ITGA7: variants seen among roughly 807,000 people sequenced by gnomAD.
ITGA7 encodes the protein integrin alpha-7.
A neutral mutation model predicts 131.6 loss-of-function variants in ITGA7; 84 were observed. The ratio of observed to expected loss-of-function variants is 0.64; its 90% CI spans 0.54 to 0.77. The LOEUF is 0.77. Among genes scored for constraint, ITGA7 ranks in the 30% least tolerant of loss-of-function variants. ITGA7 has a pLI of 0.00. For missense variants in ITGA7, 1,399 were observed against 1,482.9 expected (o/e 0.94, Z 0.93); for synonymous variants, 548 against 600.7 (o/e 0.91, Z 1.28).
In ITGA7 at chr12:55,685,028, C is replaced by G; in HGVS notation, c.*30G>C. 1 of 1,524,460 alleles carries G rather than the reference C, an allele frequency of 6.6e-7. No individual in the cohort carries two copies. Among genetic ancestry groups the G allele is most frequent in the African/African-American group, 1.4e-5 (1 of 73,504 alleles). 94.4% of individuals were successfully genotyped at this position (1,524,460 alleles called of 1,614,324 possible). ...CCATCTCTGGGGAAGGGATGGAGGG[C>G]AGCCACAGGCCAGGCTGGGACATGG... On this transcript the variant is annotated 3_prime_UTR_variant, in exon 25 of 25. Coordinates refer to ENST00000257879, the MANE Select transcript of ITGA7 (RefSeq NM_002206.3).
Position 55,703,191 on chromosome 12 carries a change from G to A in ITGA7, c.207-13C>T. On this transcript the variant is annotated splice_polypyrimidine_tract_variant and intron_variant, in intron 1 of 24. Coordinates refer to ENST00000257879, the MANE Select transcript of ITGA7 (RefSeq NM_002206.3). ...ACCCACCAGCAGCCTGCAAGATGGG[G>A]CAGGGGCAGGGACAGGGACAGGAGT... The A allele has an allele frequency of 1.9e-6, 3 of 1,606,694 alleles. No individual in the cohort carries two copies. Among genetic ancestry groups the A allele is most frequent in the South Asian group, 1.1e-5 (1 of 90,992 alleles).
rs753950289 is a variant in ITGA7 at position 55,703,187 on chromosome 12, TGGGGCA to T, written c.207-15_207-10del. On this transcript the variant is annotated splice_polypyrimidine_tract_variant and intron_variant, in intron 1 of 24. Coordinates refer to ENST00000257879, the MANE Select transcript of ITGA7 (RefSeq NM_002206.3). ...GAGCACCCACCAGCAGCCTGCAAGA[TGGGGCA>T]GGGGCAGGGACAGGGACAGGAGTTA... The T allele has an allele frequency of 1.6e-5, 26 of 1,607,880 alleles. No homozygotes were observed. Among genetic ancestry groups the T allele is most frequent in the Non-Finnish European group, 2.1e-5 (25 of 1,179,940 alleles).
At position 55,707,664 on chromosome 12, in the gene ITGA7, G is replaced by T; in HGVS notation, c.19C>A (p.Arg7Ser). Residue 7 changes from arginine to serine, a missense_variant, in exon 1 of 25, where the codon CGC becomes AGC. By Grantham distance (110) the Arg-to-Ser change is moderately radical. Coordinates refer to ENST00000257879, the MANE Select transcript of ITGA7 (RefSeq NM_002206.3). MAGARS[R>S]DPWGASGICY... is the part of the protein sequence containing the mutation. ...ATCCCGGAGGCCCCCCAAGGGTCGCGGCTCCGAGCCCCGGCCATGGGACGA... is the reference window on the plus strand; with the variant it reads ...ATCCCGGAGGCCCCCCAAGGGTCGCTGCTCCGAGCCCCGGCCATGGGACGA... 1 of 1,582,080 alleles carries T rather than the reference G, an allele frequency of 6.3e-7. No homozygotes were observed. Among genetic ancestry groups the T allele is most frequent in the Admixed American group, 1.8e-5 (1 of 54,992 alleles).
At chr12:55,700,690 C>A in intron 4 of ITGA7, 1 of 700,160 alleles carries the variant, frequency 1.4e-6, no homozygotes, top group East Asian at 2.7e-5. Context: ...CCCATGCCAG[C>A]ATGTTGAGGA....
chr12:55,711,185 C>T (rs1876077865), upstream of ITGA7, among the ~76,000 whole-genome samples: 1 of 152,168 alleles, frequency 6.6e-6, no homozygotes, highest in African/African-American at 2.4e-5. Context: ...TTCCTCTGAT[C>T]TATAATTATT....
At chr12:55,700,528 G>T in intron 4 of ITGA7, 1 of 1,038,048 alleles carries the variant, frequency 9.6e-7, no homozygotes, top group Non-Finnish European at 1.4e-6. Context: ...CCCCAACCCA[G>T]GCTTCCTGGG....
chr12:55,690,691 T>C (rs1871236716), intron 21 of ITGA7, among the ~76,000 whole-genome samples: 1 of 146,614 alleles, frequency 6.8e-6, no homozygotes. Context: ...ATTGCGGCAC[T>C]ATTCACAATA....
chr12:55,715,628 G>A (rs1463328772), upstream of ITGA7, among the ~76,000 whole-genome samples: 1 of 152,148 alleles, frequency 6.6e-6, no homozygotes, highest in Non-Finnish European at 1.5e-5. Flanking sequence ...TGATCACCCA[G>A]AGCTGAGAGA....
chr12:55,698,007 G>T lies in ITGA7; in HGVS notation c.1212C>A (p.Pro404=). ...TGAAGACTTTCCCATCACCATCAAA[G>T]GGGGCACCCACTGCAATATCTGCAG... ...DGFPDIAVGA[P]FDGDGKVFIY... The change falls in exon 8 of 25, where the codon CCC becomes CCA. Residue 404 remains proline, a synonymous_variant. Transcript: ENST00000257879. The T allele has an allele frequency of 6.2e-7, 1 of 1,614,106 alleles. No individual in the cohort carries two copies. The highest frequency in any genetic ancestry group is 8.5e-7 in the Non-Finnish European group (1 of 1,180,018).
intron 4 of ITGA7, chr12:55,700,460 G>A: frequency 6.5e-7 from 1 of 1,537,332 alleles, no homozygotes; most frequent in Non-Finnish European, 8.7e-7. Context: ...CGGACACTGA[G>A]TTAGACAGGC....
chr12:55,712,384 G>A, upstream of ITGA7: 2 of 738,908 alleles, frequency 2.7e-6, no homozygotes, highest in Non-Finnish European at 4.8e-6. Flanking sequence ...CTCCCAGTAT[G>A]TGAAGCCTTG....
upstream of ITGA7, chr12:55,712,294 T>C (rs1460812400): frequency 2.6e-6 from 4 of 1,511,518 alleles, no homozygotes; most frequent in Non-Finnish European, 3.6e-6. Context: ...GGGCCCCCTT[T>C]CTTTGAGCAC....
Position 55,685,262 on chromosome 12 carries a change from G to A in ITGA7, c.3210C>T (p.His1070=), listed in dbSNP as rs773180024. 1.2e-6 allele frequency: 2 copies of A among 1,614,178 alleles called. No individual in the cohort carries two copies. The highest frequency in any genetic ancestry group is 8.5e-7 in the Non-Finnish European group (1 of 1,180,040). ...GGTACTGGGGCACGGTGGCCTCGGG[G>A]TGCTTCGCCCGTTTGAAGAATCCCA... ...WKMGFFKRAK[H]PEATVPQYHA... The change falls in exon 25 of 25, where the codon CAC becomes CAT. Residue 1070 remains histidine, a synonymous_variant. Transcript: ENST00000257879.
rs1418086870 is a variant in ITGA7 at position 55,694,987 on chromosome 12, C to T, written c.2004-17G>A. ...TCCACATCCCTGGAGAGTCAGACCC[C>T]ACTCCTGCTAAGTTCTGAACACCTC... On this transcript the variant is annotated splice_polypyrimidine_tract_variant and intron_variant, in intron 14 of 24. Coordinates refer to ENST00000257879, the MANE Select transcript of ITGA7 (RefSeq NM_002206.3). This position sits in a 1 kb window ranked among gnomAD's most constrained non-coding sequence, Gnocchi z 5.3. 6.2e-7 allele frequency: 1 copy of T among 1,611,422 alleles called. No homozygotes were observed. The highest frequency in any genetic ancestry group is 1.7e-5 in the Admixed American group (1 of 59,964).
At position 55,684,602 on chromosome 12, in the gene ITGA7, A is replaced by C. The variant is rs1430871589; in HGVS notation, c.*456T>G. 1 of 173,518 alleles carries C rather than the reference A, an allele frequency of 5.8e-6. No individual in the cohort carries two copies. The highest frequency in any genetic ancestry group is 1.6e-4 in the East Asian group (1 of 6,090). The allele number at this position is 173,518 out of a possible 1,614,324, so 10.7% of individuals were successfully genotyped here. ...CAAATATTTTTTAATAAATAGACGA[A>C]ACCACGAAACCACTAGACTGATGGC... is the stretch of plus-strand genomic sequence containing the variant. On this transcript the variant is annotated 3_prime_UTR_variant, in exon 25 of 25. Coordinates refer to ENST00000257879, the MANE Select transcript of ITGA7 (RefSeq NM_002206.3).
At chr12:55,686,631 C>T (rs1870207781) in intron 24 of ITGA7, among the ~76,000 whole-genome samples, 1 of 152,172 alleles carries the variant, frequency 6.6e-6, no homozygotes, top group Non-Finnish European at 1.5e-5. Context: ...GAACATAGCC[C>T]CCGATGTGGC....
chr12:55,703,014 C>A, intron 2 of ITGA7, 37 bp downstream of exon 2: 1 of 1,613,922 alleles, frequency 6.2e-7, no homozygotes, highest in Non-Finnish European at 8.5e-7. Context: ...CCTCCCCGCT[C>A]ACACGCTTCC....
chr12:55,703,043 G>C lies in ITGA7; in HGVS notation c.334+8C>G, dbSNP rs370675255. Reference sequence around the variant, plus strand: ...CGCTTCCCCCACTCTGTTCATGCAGGGCCACACCTCCCTGGTCGATGTCCA... The same window carrying C: ...CGCTTCCCCCACTCTGTTCATGCAGCGCCACACCTCCCTGGTCGATGTCCA... On this transcript the variant is annotated splice_region_variant and intron_variant, in intron 2 of 24. Transcript: ENST00000257879. 91 of 1,613,882 alleles carry C rather than the reference G, an allele frequency of 5.6e-5. No homozygotes were observed. The highest frequency in any genetic ancestry group is 7.7e-5 in the Non-Finnish European group (91 of 1,180,038).
At chr12:55,700,345 T>A (rs1207115480) in intron 4 of ITGA7, 1 of 1,610,710 alleles carries the variant, frequency 6.2e-7, no homozygotes, top group Admixed American at 1.7e-5. Flanking sequence ...GTCGTCCAGG[T>A]GTGCCAGGTC....
Sources: allele counts gnomAD v4.1 joint callset (sites outside exome capture counted in the v4.1 genomes callset), GRCh38; gene constraint gnomAD v4.1.1; non-coding constraint Gnocchi (gnomAD v3.1); transcripts MANE v1.5; gene names NCBI Gene and HGNC (gene_info 2026-07-23, HGNC 2026-07-21).